IRAG2: variants seen among roughly 807,000 people sequenced by gnomAD.
IRAG2 encodes lymphoid restricted membrane protein.
A neutral mutation model predicts 69.9 loss-of-function variants in IRAG2; 45 were observed. The observed-to-expected ratio is 0.64, with a 90% confidence interval of 0.51 to 0.83. The LOEUF (loss-of-function observed/expected upper bound fraction) is 0.83. Among genes scored for constraint, IRAG2 ranks in the 40% least tolerant of loss-of-function variants. The probability of loss-of-function intolerance (pLI) is 0.00; values close to 1 mark genes in which losing one functional copy is unlikely to be tolerated. For missense variants in IRAG2, 520 were observed against 587.0 expected (o/e 0.89, Z 1.18); for synonymous variants, 193 against 202.4 (o/e 0.95, Z 0.40).
upstream of IRAG2, among the ~76,000 whole-genome samples, chr12:25,049,560 A>C (rs1438223816): frequency 6.6e-6 from 1 of 152,246 alleles, no homozygotes; most frequent in African/African-American, 2.4e-5. Context: ...AAAAGACTTG[A>C]ATAGGCATTT....
intron 11 of IRAG2, among the ~76,000 whole-genome samples, chr12:25,088,671 A>G (rs1308198650): frequency 6.6e-6 from 1 of 152,244 alleles, no homozygotes; most frequent in Non-Finnish European, 1.5e-5. Context: ...GAAGAAAAGT[A>G]CACTTAATTG....
chr12:25,054,311 G>C (rs563785819), intron 1 of IRAG2, among the ~76,000 whole-genome samples: 1 of 152,254 alleles, frequency 6.6e-6, no homozygotes, highest in East Asian at 1.9e-4. Context: ...GAATCATAAG[G>C]CATTCCAAAG....
rs563249640 is a variant in IRAG2, at chr12:25,033,076, TC to T, written c.1643+712del. 2.4e-3 allele frequency among the ~76,000 whole-genome samples: 369 copies of T among 151,834 alleles called. 1 individual carries two copies. The highest frequency in any genetic ancestry group is 8.3e-3 in the African/African-American group (344 of 41,404). On this transcript the variant is annotated intron_variant, in intron 12 of 38. Transcript: ENST00000636465. ...AGTTCAAGCAATTCTTCTGTCTCAG[TC>T]CCCCAGTAAGCTGGGACTACAGGCA...
upstream of IRAG2, among the ~76,000 whole-genome samples, chr12:25,050,532 AAAACAAACAAACAAACAAAC>A (rs371371938): frequency 0.039 from 1,954 of 49,628 alleles, 169 homozygotes; most frequent in Non-Finnish European, 0.085. Context: ...CGTCTCAAAA[AAAACAAACAAACAAACAAAC>A]AAAAAAAAAC....
chr12:25,044,663 A>G (rs528907402), intron 16 of IRAG2, among the ~76,000 whole-genome samples: 2 of 152,332 alleles, frequency 1.3e-5, no homozygotes, highest in African/African-American at 2.4e-5. Context: ...AAAAACTGTC[A>G]TAAGAGACAA....
At chr12:25,064,892 C>G (rs1289014601) in intron 4 of IRAG2, among the ~76,000 whole-genome samples, 1 of 152,082 alleles carries the variant, frequency 6.6e-6, no homozygotes, top group East Asian at 1.9e-4. Context: ...GAGTTGGAGA[C>G]CAGCCTGGCC....
At position 25,077,200 on chromosome 12, in the gene IRAG2, T is replaced by TATATATATGATATATATGAA. The variant is rs1403207047; in HGVS notation, c.25-2026_25-2007dup. On this transcript the variant is annotated intron_variant, in intron 6 of 21. Transcript: ENST00000556887. The stretch of plus-strand genomic sequence containing the variant: ...ATATATATATGATATATATATGAAA[T>TATATATATGATATATATGAA]ATATATATGATATATATGAAATATA... Among the ~76,000 whole-genome samples, 3 of 67,196 alleles carry TATATATATGATATATATGAA rather than the reference T, an allele frequency of 4.5e-5. 1 individual carries two copies. Among genetic ancestry groups the TATATATATGATATATATGAA allele is most frequent in the African/African-American group, 1.3e-4 (3 of 23,570 alleles). The allele number at this position is 67,196 out of a possible 152,430, so 44.1% of individuals were successfully genotyped here.
chr12:25,090,293 G>T lies in IRAG2; in HGVS notation c.606+96G>T, dbSNP rs1947948669. 9 of 1,175,310 alleles carry T rather than the reference G, an allele frequency of 7.7e-6. No homozygotes were observed. In the East Asian group the frequency reaches 2.2e-4, roughly 29 times the overall value. The allele number at this position is 1,175,310 out of a possible 1,614,324, so 72.8% of individuals were successfully genotyped here. On this transcript the variant is annotated intron_variant, in intron 14 of 21. Coordinates refer to ENST00000556887, the MANE Select transcript of IRAG2 (RefSeq NM_001366544.2). ...TGCACTTTGGGAGGCCAAGGCAGGA[G>T]GATCATGGGAGACCAAGGCAGGAGG...
chr12:25,056,029 A>G (rs1160622380), intron 1 of IRAG2, among the ~76,000 whole-genome samples: 1 of 152,200 alleles, frequency 6.6e-6, no homozygotes, highest in Non-Finnish European at 1.5e-5. Flanking sequence ...AAACTCTGAT[A>G]TAGCATAATT....
chr12:25,022,303 G>A (rs766526883), intron 7 of IRAG2, among the ~76,000 whole-genome samples: 35 of 152,126 alleles, frequency 2.3e-4, no homozygotes, highest in Non-Finnish European at 4.0e-4. Flanking sequence ...AGACAAGCTT[G>A]GCCAACATGG....
chr12:25,014,063 G>C (rs1944501078), intron 3 of IRAG2, among the ~76,000 whole-genome samples: 1 of 151,250 alleles, frequency 6.6e-6, no homozygotes, highest in South Asian at 2.1e-4. Context: ...TTTTAGTAGA[G>C]ACGGGGTTTC....
At chr12:25,004,896 A>C in exon 1 of IRAG2, 1 of 1,231,534 alleles carries the variant, frequency 8.1e-7, no homozygotes, top group Middle Eastern at 3.1e-4. Context: ...TGGTAAAAAA[A>C]TTATCTCTGA....
At chr12:25,101,041 T>A (rs982017094) in intron 15 of IRAG2, 137 bp from the exon 16 acceptor site, 1 of 624,828 alleles carries the variant, frequency 1.6e-6, no homozygotes. Flanking sequence ...TGTAGATGCA[T>A]GTCTTTTTAA....
chr12:25,007,167 C>A (rs538386045), intron 2 of IRAG2, among the ~76,000 whole-genome samples: 1 of 152,312 alleles, frequency 6.6e-6, no homozygotes, highest in Non-Finnish European at 1.5e-5. Context: ...TCTAACCCTG[C>A]TCATTTTCCT....
At chr12:25,093,989 C>A (rs1948250547) in intron 14 of IRAG2, 1 of 152,142 alleles carries the variant, frequency 6.6e-6, no homozygotes, top group South Asian at 2.1e-4. Context: ...TGGATATTAA[C>A]CCCTTATCAG....
At position 25,089,672 on chromosome 12, in the gene IRAG2, T is replaced by G. The variant is rs199831713; in HGVS notation, c.432T>G (p.Ser144Arg). The G allele has an allele frequency of 1.2e-6, 2 of 1,607,678 alleles. No individual in the cohort carries two copies. The highest frequency in any genetic ancestry group is 1.3e-5 in the African/African-American group (1 of 74,932). The change falls in exon 12 of 22, where the codon AGT becomes AGG. Residue 144 changes from serine to arginine, a missense_variant. Physicochemically the swap from Ser to Arg is moderately radical, Grantham distance 110. Transcript: ENST00000556887. ...TGAAATCGGTTAACCTTAGACAAAG[T>G]GAGAAGTAAGTGCTTCTTCATGTAG... ...TTVKSVNLRQ[S>R]ENTSANEKEV...
intron 6 of IRAG2, among the ~76,000 whole-genome samples, chr12:25,071,374 A>G (rs1184573195): frequency 2.0e-5 from 3 of 152,154 alleles, no homozygotes; most frequent in Non-Finnish European, 2.9e-5. Context: ...TAAATTGAAA[A>G]TTTTTAAAAA....
chr12:25,096,835 G>A, intron 14 of IRAG2, 75 bp from the exon 15 acceptor site: 2 of 1,164,566 alleles, frequency 1.7e-6, no homozygotes, highest in South Asian at 1.7e-5. Context: ...ATCCACATTT[G>A]CAACTTAGTC....
chr12:25,025,959 C>G (rs1404008536), intron 8 of IRAG2, among the ~76,000 whole-genome samples: 1 of 152,024 alleles, frequency 6.6e-6, no homozygotes, highest in Non-Finnish European at 1.5e-5. Flanking sequence ...TTGTAAAGGG[C>G]CTGATTGTAA....
Sources: gnomAD v4.1 joint callset for allele counts (sites outside exome capture counted in the v4.1 genomes callset) on GRCh38, gnomAD v4.1.1 for gene constraint, MANE v1.5 for transcripts, NCBI Gene and HGNC (gene_info 2026-07-23, HGNC 2026-07-21) for gene names.